CA5A: variants seen among roughly 807,000 people sequenced by gnomAD.
CA5A encodes the protein carbonic anhydrase 5A, mitochondrial.
A neutral mutation model predicts 37.1 loss-of-function variants in CA5A; 28 were observed. The observed-to-expected ratio is 0.75, with a 90% CI of 0.56 to 1.03. CA5A has a LOEUF of 1.03. Among genes scored for constraint, CA5A ranks in the 50% least tolerant of loss-of-function variants. CA5A has a pLI of 0.00. For missense variants in CA5A, 444 were observed against 399.9 expected (o/e 1.11, Z -0.94); for synonymous variants, 171 against 158.4 (o/e 1.08, Z -0.60).
At chr16:87,893,041 T>G in intron 5 of CA5A, 3 of 1,221,182 alleles carry the variant, frequency 2.5e-6, no homozygotes, top group East Asian at 2.5e-5. Flanking sequence ...GTGCCCAACC[T>G]TCATGTCACG....
In CA5A at chr16:87,926,954, A is replaced by T. The variant is rs12922226; in HGVS notation, c.143-9T>A. The T allele has an allele frequency of 0.45, 700,135 of 1,545,126 alleles. 168,394 individuals carry two copies. The highest frequency in any genetic ancestry group is 0.5 in the Non-Finnish European group (571,860 of 1,137,706). ...CGTCCAGAGTGGGTGCACTGCAGGG[A>T]GAGAGACGGAGACCCTGAGTGAGGC... On this transcript the variant is annotated splice_polypyrimidine_tract_variant and intron_variant, in intron 1 of 6. Coordinates refer to ENST00000649794, the MANE Select transcript of CA5A (RefSeq NM_001739.2).
intron 2 of CA5A, among the ~76,000 whole-genome samples, chr16:87,917,394 G>C (rs748663948): frequency 5.9e-5 from 9 of 152,214 alleles, no homozygotes; most frequent in Non-Finnish European, 1.0e-4. Flanking sequence ...CCCAGTGGCT[G>C]AATCTCTAAC....
chr16:87,927,100 C>T (rs1303375029), intron 1 of CA5A, among the ~76,000 whole-genome samples, 155 bp from the exon 2 acceptor site: 4 of 152,250 alleles, frequency 2.6e-5, no homozygotes, highest in African/African-American at 7.2e-5. Flanking sequence ...CCCTGCGCAG[C>T]GACGCACGCC....
chr16:87,920,995 G>A (rs1451765044), intron 2 of CA5A, among the ~76,000 whole-genome samples: 1 of 151,988 alleles, frequency 6.6e-6, no homozygotes, highest in Non-Finnish European at 1.5e-5. Flanking sequence ...GTTTCTCCAT[G>A]TTGGTCAGGC....
At chr16:87,915,093 C>T (rs183928975) in intron 2 of CA5A, among the ~76,000 whole-genome samples, 28 of 152,322 alleles carry the variant, frequency 1.8e-4, no homozygotes, top group African/African-American at 4.1e-4. Flanking sequence ...CAGGAGCCAC[C>T]GAATGAGGCT....
intron 5 of CA5A, among the ~76,000 whole-genome samples, chr16:87,899,829 A>G (rs1018777753): frequency 7.0e-6 from 1 of 142,870 alleles, no homozygotes; most frequent in Non-Finnish European, 1.5e-5. Flanking sequence ...TTGAGGCAGG[A>G]GAATCACTTG....
chr16:87,896,483 G>A (rs1001098090), intron 5 of CA5A, among the ~76,000 whole-genome samples: 13 of 152,308 alleles, frequency 8.5e-5, no homozygotes, highest in African/African-American at 3.1e-4. Flanking sequence ...TGCATGTGGT[G>A]ATCCTCAGGC....
chr16:87,898,053 T>C (rs901739871), intron 5 of CA5A, among the ~76,000 whole-genome samples: 1 of 152,154 alleles, frequency 6.6e-6, no homozygotes, highest in African/African-American at 2.4e-5. Context: ...AAATGCACCC[T>C]TGGAGCCCTG....
chr16:87,922,294 G>T (rs1276852846), intron 2 of CA5A, among the ~76,000 whole-genome samples: 3 of 152,146 alleles, frequency 2.0e-5, no homozygotes, highest in East Asian at 1.9e-4. Flanking sequence ...AGGGAAAGTT[G>T]CGAGGCTGTT....
intron 1 of CA5A, among the ~76,000 whole-genome samples, chr16:87,932,867 T>C (rs536629818): frequency 1.1e-3 from 167 of 152,254 alleles, no homozygotes; most frequent in Non-Finnish European, 1.9e-3. Context: ...CCCTCCCCCA[T>C]TGTCACTAGG....
chr16:87,910,520 C>A (rs1312478464), intron 2 of CA5A, among the ~76,000 whole-genome samples: 2 of 152,126 alleles, frequency 1.3e-5, no homozygotes, highest in Admixed American at 1.3e-4. Context: ...TGCTACTTGC[C>A]TTGCCAGTAA....
rs201909117 is a variant in CA5A, at chr16:87,936,386, G to A, written c.65C>T (p.Pro22Leu). Residue 22 changes from proline to leucine, a missense_variant, in exon 1 of 7, where the codon CCT becomes CTT. Pro to Leu is a moderately conservative substitution (Grantham distance 98). Transcript: ENST00000649794. ...TGGCCTCATCGAACGACTCCAGAGA[G>A]GGGCCCACATCTGCTCAACCAAGAA... Reference protein sequence around the residue: ...FSFLVEQMWAPLWSRSMRPGR... With the variant: ...FSFLVEQMWALLWSRSMRPGR... 61 of 1,613,964 alleles carry A rather than the reference G, an allele frequency of 3.8e-5. No homozygotes were observed. The highest frequency in any genetic ancestry group is 5.1e-5 in the Non-Finnish European group (60 of 1,179,994).
chr16:87,892,158 C>T (rs2055726152), intron 5 of CA5A: 2 of 471,192 alleles, frequency 4.2e-6, no homozygotes. Flanking sequence ...TGCCAACTTA[C>T]ATTGGTGGGA....
At chr16:87,910,033 A>ATGGGAAATACG (rs899097568) in intron 2 of CA5A, among the ~76,000 whole-genome samples, 1 of 152,194 alleles carries the variant, frequency 6.6e-6, no homozygotes, top group African/African-American at 2.4e-5. Flanking sequence ...GTTAAGTCAC[A>ATGGGAAATACG]TGGGAAATAC....
chr16:87,890,198 T>G (rs2055693433), intron 6 of CA5A, among the ~76,000 whole-genome samples: 1 of 152,354 alleles, frequency 6.6e-6, no homozygotes, highest in South Asian at 2.1e-4. Context: ...TTTCCTGCCA[T>G]ACAGCAGTGT....
intron 1 of CA5A, among the ~76,000 whole-genome samples, chr16:87,930,839 C>G (rs2056392711): frequency 6.6e-6 from 1 of 151,112 alleles, no homozygotes; most frequent in Non-Finnish European, 1.5e-5. Flanking sequence ...CTCCCTGGTT[C>G]AGGCGATTCT....
intron 1 of CA5A, among the ~76,000 whole-genome samples, chr16:87,931,196 C>G (rs1169473314): frequency 6.6e-6 from 1 of 151,440 alleles, no homozygotes; most frequent in East Asian, 1.9e-4. Flanking sequence ...ACTGCAACCT[C>G]CGCCTCCCGG....
intron 2 of CA5A, among the ~76,000 whole-genome samples, chr16:87,912,173 G>A (rs754575901): frequency 6.6e-6 from 1 of 152,062 alleles, no homozygotes; most frequent in African/African-American, 2.4e-5. Flanking sequence ...GTGGTGGCAC[G>A]CGACTGTAGT....
At chr16:87,908,751 C>A (rs147128584) in intron 2 of CA5A, among the ~76,000 whole-genome samples, 5,982 of 152,288 alleles carry the variant, frequency 0.039, 195 homozygotes, top group African/African-American at 0.09. Context: ...CTGGAGCCCA[C>A]AGGCATCTCT....
Sources: gnomAD v4.1 joint callset for allele counts (sites outside exome capture counted in the v4.1 genomes callset) on GRCh38, gnomAD v4.1.1 for gene constraint, MANE v1.5 for transcripts, NCBI Gene and HGNC (gene_info 2026-07-23, HGNC 2026-07-21) for gene names.